KAZN: variants seen among roughly 807,000 people sequenced by gnomAD.
The protein encoded by KAZN is kazrin, periplakin interacting protein.
A neutral mutation model predicts 87.4 loss-of-function variants in KAZN; 40 were observed. The observed-to-expected ratio is 0.46, with a 90% CI of 0.36 to 0.60. The LOEUF (loss-of-function observed/expected upper bound fraction) is 0.60. Ranked by LOEUF, KAZN falls within the 20% of genes least tolerant of loss-of-function variation. The pLI is 0.00. For missense variants in KAZN, 898 were observed against 1,073.9 expected (o/e 0.84, Z 2.29); for synonymous variants, 466 against 458.3 (o/e 1.02, Z -0.22).
chr1:14,522,156 A>C (rs1331873343), intron 2 of KAZN, among the ~76,000 whole-genome samples: 1 of 152,192 alleles, frequency 6.6e-6, no homozygotes, highest in Non-Finnish European at 1.5e-5. Context: ...TTCTGCTCCC[A>C]GATCAACTTG....
chr1:15,100,222 GAGCCCATTGTATGGCAGCATGTACCCC>G (rs1205311569), intron 10 of KAZN, among the ~76,000 whole-genome samples: 1 of 152,150 alleles, frequency 6.6e-6, no homozygotes, highest in East Asian at 1.9e-4. Context: ...GAGGGAAGAG[GAGCCCATTGTATGGCAGCATGTACCCC>G]AGCAGGGTGG....
chr1:14,786,930 A>T (rs80101242), intron 1 of KAZN, among the ~76,000 whole-genome samples: 1,706 of 152,340 alleles, frequency 0.011, 33 homozygotes, highest in African/African-American at 0.039. Context: ...GAGCCAACGA[A>T]CAGCATACAT....
At chr1:14,791,476 C>G (rs118098461) in intron 1 of KAZN, among the ~76,000 whole-genome samples, 2,623 of 152,338 alleles carry the variant, frequency 0.017, 80 homozygotes, top group Admixed American at 0.081. Flanking sequence ...GCCAAGGAAG[C>G]AACACGCTGC....
Position 15,099,727 on chromosome 1 carries a change from T to C in KAZN, c.1548-1816T>C, listed in dbSNP as rs369484030. On this transcript the variant is annotated intron_variant, in intron 10 of 14. Transcript: ENST00000376030. This position sits in a 1 kb window ranked among gnomAD's most constrained non-coding sequence, Gnocchi z 5.4. ...GAGTGTTGAGCAGGGGAGTGCACGG[T>C]CACACTGACATTTTAAAAGGACCCC... Among the ~76,000 whole-genome samples, 631 of 152,188 alleles carry C rather than the reference T, an allele frequency of 4.1e-3. 44 individuals carry two copies. The South Asian group carries it at 0.12, about 30-fold the overall frequency.
chr1:15,060,335 G>A (rs756404603), intron 6 of KAZN, 33 bp downstream of exon 6: 1 of 1,613,196 alleles, frequency 6.2e-7, no homozygotes, highest in South Asian at 1.1e-5. Flanking sequence ...CTGGGCCCCT[G>A]GGCCCTGCCC....
chr1:14,197,558 C>A (rs572866358), intron 2 of KAZN, among the ~76,000 whole-genome samples: 2 of 151,962 alleles, frequency 1.3e-5, no homozygotes, highest in South Asian at 4.2e-4. Context: ...CGTGGTGGCA[C>A]GTGCCTGTAA....
At chr1:14,999,496 C>T (rs1041013506) in intron 2 of KAZN, among the ~76,000 whole-genome samples, 1 of 141,740 alleles carries the variant, frequency 7.1e-6, no homozygotes, top group Non-Finnish European at 1.5e-5. Flanking sequence ...CATTGCCTGC[C>T]CCCCTCCCCC....
At chr1:14,391,333 T>TA (rs1662402318) in intron 2 of KAZN, 1 of 152,308 alleles carries the variant, frequency 6.6e-6, no homozygotes, top group Non-Finnish European at 1.5e-5. Context: ...TAAAGACACT[T>TA]ACTCCTTGGT....
rs139992274 is a variant in KAZN, at chr1:14,220,595, C to T, written c.249+40003C>T. 5.9e-3 allele frequency among the ~76,000 whole-genome samples: 891 copies of T among 152,280 alleles called. 8 individuals carry two copies. The highest frequency in any genetic ancestry group is 0.02 in the African/African-American group (844 of 41,558). The stretch of plus-strand genomic sequence containing the variant: ...ACCCTCATTCCCTAGTGGATCACAC[C>T]ATGTCTGCATCTGATTTGGTGATAG... On this transcript the variant is annotated intron_variant, in intron 2 of 16. Coordinates refer to the KAZN transcript ENST00000636203.
At chr1:14,548,030 T>G (rs1160442595) in intron 2 of KAZN, among the ~76,000 whole-genome samples, 3 of 137,228 alleles carry the variant, frequency 2.2e-5, no homozygotes, top group African/African-American at 7.9e-5. Context: ...TGATAGGTGA[T>G]GAGCTAAAAA....
intron 1 of KAZN, among the ~76,000 whole-genome samples, chr1:14,660,956 A>G (rs1639132527): frequency 6.6e-6 from 1 of 152,146 alleles, no homozygotes; most frequent in Non-Finnish European, 1.5e-5. Context: ...CCTCCACAGC[A>G]CTGTACTTTC....
At chr1:15,034,927 A>T (rs1338989920) in intron 3 of KAZN, 42 bp downstream of exon 3, 1 of 1,499,436 alleles carries the variant, frequency 6.7e-7, no homozygotes, top group East Asian at 2.6e-5. Flanking sequence ...CCGACACACC[A>T]GCTCCCACCT....
intron 2 of KAZN, among the ~76,000 whole-genome samples, chr1:14,472,534 T>G (rs766907237): frequency 6.1e-4 from 93 of 152,294 alleles, no homozygotes; most frequent in Admixed American, 1.2e-3. Context: ...ACAAGTCACA[T>G]GGCCACCCCA....
chr1:14,362,105 C>A (rs1160624035), intron 2 of KAZN, among the ~76,000 whole-genome samples: 1 of 152,162 alleles, frequency 6.6e-6, no homozygotes, highest in Non-Finnish European at 1.5e-5. Context: ...TGACTTATAA[C>A]AACTCACATT....
At chr1:14,319,005 TTTATTTTTATTTA>T (rs1655851576) in intron 2 of KAZN, among the ~76,000 whole-genome samples, 1 of 130,896 alleles carries the variant, frequency 7.6e-6, no homozygotes, top group South Asian at 2.5e-4. Flanking sequence ...CTGTTGACCT[TTTATTTTTATTTA>T]TTTATTTATT....
intron 2 of KAZN, among the ~76,000 whole-genome samples, chr1:14,561,227 A>G (rs748813243): frequency 2.0e-5 from 3 of 152,154 alleles, no homozygotes; most frequent in East Asian, 3.9e-4. Context: ...TGGCTGAATC[A>G]CTGAGCTATT....
chr1:14,704,907 G>A (rs1642133146), intron 1 of KAZN, among the ~76,000 whole-genome samples: 1 of 152,184 alleles, frequency 6.6e-6, no homozygotes, highest in Non-Finnish European at 1.5e-5. Context: ...AGCCTTCTCT[G>A]TATAACCCTT....
intron 1 of KAZN, among the ~76,000 whole-genome samples, chr1:14,610,974 G>A (rs779722054): frequency 3.9e-5 from 6 of 152,122 alleles, no homozygotes; most frequent in African/African-American, 7.2e-5. Context: ...GGTCACTTTC[G>A]CTGTGGCTGT....
chr1:14,384,587 T>C (rs1049490593), intron 2 of KAZN, among the ~76,000 whole-genome samples: 3 of 152,200 alleles, frequency 2.0e-5, no homozygotes, highest in Admixed American at 1.3e-4. Flanking sequence ...GTGGTTTTTG[T>C]CTTTGGTTCT....
Sources: gnomAD v4.1 joint callset for allele counts (sites outside exome capture counted in the v4.1 genomes callset) on GRCh38, gnomAD v4.1.1 for gene constraint, Gnocchi (gnomAD v3.1) non-coding constraint, MANE v1.5 for transcripts, NCBI Gene and HGNC (gene_info 2026-07-23, HGNC 2026-07-21) for gene names.